NAV1: variants seen among roughly 807,000 people sequenced by gnomAD.
NAV1 encodes neuron navigator 1, also known as pore membrane and/or filament interacting like protein 3.
Under a neutral mutation model 175.2 loss-of-function variants are expected in NAV1, and 18 were observed. The observed-to-expected ratio is 0.10, with a 90% CI of 0.07 to 0.15. The LOEUF (loss-of-function observed/expected upper bound fraction) is 0.15. Ranked by LOEUF, NAV1 falls within the 10% of genes least tolerant of loss-of-function variation. NAV1 has a pLI of 1.00. For missense variants in NAV1, 1,731 were observed against 2,436.6 expected (o/e 0.71, Z 6.10); for synonymous variants, 897 against 978.7 (o/e 0.92, Z 1.56).
intron 1 of NAV1, among the ~76,000 whole-genome samples, chr1:201,543,500 AT>A (rs35628400): frequency 0.42 from 62,000 of 146,794 alleles, 14,476 homozygotes; most frequent in Non-Finnish European, 0.56. Flanking sequence ...ATCCCTCTGA[AT>A]TTTTTTTTTT....
intron 3 of NAV1, among the ~76,000 whole-genome samples, chr1:201,730,408 C>T (rs966837683): frequency 6.6e-6 from 1 of 152,198 alleles, no homozygotes; most frequent in Non-Finnish European, 1.5e-5. Context: ...TCCAGTGCAC[C>T]TACTGCCTCA....
At chr1:201,551,277 A>G (rs1164275000) in intron 1 of NAV1, among the ~76,000 whole-genome samples, 1 of 151,954 alleles carries the variant, frequency 6.6e-6, no homozygotes, top group African/African-American at 2.4e-5. Flanking sequence ...TGCCCAGGCT[A>G]GAGTGCAGTG....
intron 2 of NAV1, among the ~76,000 whole-genome samples, chr1:201,603,991 C>T (rs1246669344): frequency 6.6e-6 from 1 of 152,168 alleles, no homozygotes; most frequent in African/African-American, 2.4e-5. Flanking sequence ...CCACTCTGTG[C>T]CTGAGCTCAT....
intron 2 of NAV1, among the ~76,000 whole-genome samples, chr1:201,637,103 A>G (rs1019370889): frequency 1.2e-4 from 19 of 152,214 alleles, no homozygotes; most frequent in African/African-American, 4.6e-4. Context: ...TGTGAGGTTT[A>G]ATACCTCATT....
At chr1:201,674,995 G>A (rs1298512883) in intron 1 of NAV1, among the ~76,000 whole-genome samples, 1 of 150,678 alleles carries the variant, frequency 6.6e-6, no homozygotes, top group Non-Finnish European at 1.5e-5. Context: ...AGCGGAGATC[G>A]CGTCACTGCC....
Position 201,808,768 on chromosome 1 carries a change from C to G in NAV1, c.4104C>G (p.Gly1368=), listed in dbSNP as rs150159723. ...AGGTAGCCCCAGGCCCCTCATCAGG[C>G]TCCACTCCAGGGCAGGTCCCTGGAT... is the stretch of plus-strand genomic sequence containing the variant. The change falls in exon 20 of 30, where the codon GGC becomes GGG. Residue 1368 remains glycine, a synonymous_variant. Coordinates refer to ENST00000367296, the Ensembl canonical transcript of NAV1. This position sits in a 1 kb window ranked among gnomAD's most constrained non-coding sequence, Gnocchi z 5.5. The G allele has an allele frequency of 6.2e-7, 1 of 1,614,210 alleles. No individual in the cohort carries two copies. The highest frequency in any genetic ancestry group is 8.5e-7 in the Non-Finnish European group (1 of 1,180,044).
exon 29 of NAV1, chr1:201,817,184 C>T: frequency 1.2e-6 from 2 of 1,614,170 alleles, no homozygotes; most frequent in Non-Finnish European, 1.7e-6. Flanking sequence ...AAAGCTGTAC[C>T]ACCTGCCCCC....
At chr1:201,785,869 T>G (rs1647613545) in intron 8 of NAV1, among the ~76,000 whole-genome samples, 1 of 140,238 alleles carries the variant, frequency 7.1e-6, no homozygotes, top group Admixed American at 8.1e-5. Context: ...CTCAGCTCAC[T>G]GCAACCTCCA....
intron 2 of NAV1, among the ~76,000 whole-genome samples, chr1:201,596,403 G>A (rs371411566): frequency 3.9e-5 from 6 of 152,364 alleles, no homozygotes; most frequent in East Asian, 1.9e-4. Context: ...TTAGCCCAGG[G>A]TTTTGGATGC....
chr1:201,803,826 A>G, intron 16 of NAV1, 112 bp downstream of exon 20: 1 of 1,354,408 alleles, frequency 7.4e-7, no homozygotes, highest in Non-Finnish European at 1.0e-6. Flanking sequence ...CCCGTCTAAC[A>G]CTGAGCCCTA....
chr1:201,685,841 C>G (rs771450057), intron 1 of NAV1, among the ~76,000 whole-genome samples: 22 of 152,274 alleles, frequency 1.4e-4, no homozygotes, highest in Non-Finnish European at 3.1e-4. Context: ...CACGCTGAAC[C>G]CCGTCCATTC....
intron 7 of NAV1, among the ~76,000 whole-genome samples, chr1:201,784,943 T>C (rs1247115824): frequency 6.6e-6 from 1 of 152,142 alleles, no homozygotes; most frequent in Non-Finnish European, 1.5e-5. Flanking sequence ...TAATTTTTTG[T>C]ATTTTTAGTA....
upstream of NAV1, among the ~76,000 whole-genome samples, chr1:201,620,766 G>A (rs1043387281): frequency 6.6e-6 from 1 of 151,618 alleles, no homozygotes; most frequent in Non-Finnish European, 1.5e-5. Flanking sequence ...ACCGCACCCA[G>A]CCTCATGGCC....
intron 28 of NAV1, among the ~76,000 whole-genome samples, chr1:201,815,037 CT>C (rs1678937940): frequency 8.7e-6 from 1 of 115,304 alleles, no homozygotes. Context: ...GAGACTCTGT[CT>C]CAAAAAAAAA....
At chr1:201,632,000 C>G (rs1178399539) in intron 2 of NAV1, among the ~76,000 whole-genome samples, 4 of 152,072 alleles carry the variant, frequency 2.6e-5, no homozygotes, top group African/African-American at 9.7e-5. Context: ...TAAAATTTGT[C>G]CTCTATCAGC....
exon 1 of NAV1, chr1:201,648,573 C>G (rs1669063630): frequency 3.2e-6 from 4 of 1,263,812 alleles, no homozygotes; most frequent in Non-Finnish European, 4.0e-6. Context: ...TCTCCCCCTC[C>G]TCCTCCCCCG....
chr1:201,818,924 G>A lies in NAV1; in HGVS notation c.5539-913G>A, dbSNP rs144350111. On this transcript the variant is annotated intron_variant, in intron 29 of 29. Transcript: ENST00000367296. The stretch of plus-strand genomic sequence containing the variant: ...AAATTGGAAGCTTATTAATAATCAC[G>A]TAGACAGAAGAGAATTGTGGAGAGC... Among the ~76,000 whole-genome samples, 80 of 152,224 alleles carry A rather than the reference G, an allele frequency of 5.3e-4. 1 individual carries two copies. In the East Asian group the frequency reaches 0.013, roughly 24 times the overall value.
intron 2 of NAV1, among the ~76,000 whole-genome samples, chr1:201,590,388 G>C (rs1260450400): frequency 6.6e-6 from 1 of 152,142 alleles, no homozygotes; most frequent in Non-Finnish European, 1.5e-5. Context: ...GGTAGTTCCT[G>C]CCTTACTTTT....
In NAV1 at chr1:201,714,416, C is replaced by T. The variant is rs192027668; in HGVS notation, c.860+1497C>T. On this transcript the variant is annotated intron_variant, in intron 2 of 29. Transcript: ENST00000367296. ...GGACACTCAGCCCTTTACTCCCAGA[C>T]ATCTCGAGTATTTTAAATGGTAAGA... Among the ~76,000 whole-genome samples the T allele has an allele frequency of 2.9e-3, 444 of 152,330 alleles. 1 individual carries two copies. The highest frequency in any genetic ancestry group is 6.8e-3 in the Middle Eastern group (2 of 294).
Sources: gnomAD v4.1 joint callset for allele counts (sites outside exome capture counted in the v4.1 genomes callset) on GRCh38, gnomAD v4.1.1 for gene constraint, Gnocchi (gnomAD v3.1) non-coding constraint, MANE v1.5 for transcripts, NCBI Gene and HGNC (gene_info 2026-07-23, HGNC 2026-07-21) for gene names.